TMEM108: variants seen among roughly 807,000 people sequenced by gnomAD.
TMEM108 encodes cancer/testis antigen 124.
TMEM108 carries 12 observed loss-of-function variants against 35.1 expected under a neutral mutation model. The ratio of observed to expected loss-of-function variants is 0.34; its 90% confidence interval spans 0.22 to 0.55. TMEM108 has a LOEUF of 0.55. Among genes scored for constraint, TMEM108 ranks in the 20% least tolerant of loss-of-function variants. The pLI, the probability that TMEM108 is intolerant of heterozygous loss-of-function variation, is 0.89. For missense variants in TMEM108, 680 were observed against 753.3 expected (o/e 0.90, Z 1.14); for synonymous variants, 287 against 308.6 (o/e 0.93, Z 0.73).
At chr3:133,218,120 G>C (rs1006624256) in intron 2 of TMEM108, among the ~76,000 whole-genome samples, 1 of 151,806 alleles carries the variant, frequency 6.6e-6, no homozygotes, top group Non-Finnish European at 1.5e-5. Flanking sequence ...TCTGTGTACA[G>C]GTCTTCCATC....
chr3:133,243,783 A>G (rs111701894), intron 3 of TMEM108, among the ~76,000 whole-genome samples: 1 of 554 alleles, frequency 1.8e-3, no homozygotes, highest in African/African-American at 1.9e-3. Flanking sequence ...TTGGCCTCCC[A>G]AAAGTGCTGG....
chr3:133,357,640 G>A (rs1474154278), intron 3 of TMEM108, among the ~76,000 whole-genome samples: 1 of 152,214 alleles, frequency 6.6e-6, no homozygotes, highest in Non-Finnish European at 1.5e-5. Flanking sequence ...CTTGGATGGA[G>A]CTGGAGTCCA....
At chr3:133,088,748 G>T (rs1189591698) in intron 2 of TMEM108, among the ~76,000 whole-genome samples, 1 of 152,172 alleles carries the variant, frequency 6.6e-6, no homozygotes, top group African/African-American at 2.4e-5. Flanking sequence ...TCCAAGAGCT[G>T]TGGCATTATG....
At chr3:133,183,123 A>G (rs1945371107) in intron 2 of TMEM108, among the ~76,000 whole-genome samples, 2 of 152,166 alleles carry the variant, frequency 1.3e-5, no homozygotes, top group Admixed American at 1.3e-4. Flanking sequence ...TTTGAGTGTC[A>G]CGTTGACATT....
At chr3:133,304,782 C>G (rs1366986197) in intron 3 of TMEM108, among the ~76,000 whole-genome samples, 1 of 152,072 alleles carries the variant, frequency 6.6e-6, no homozygotes, top group Non-Finnish European at 1.5e-5. Context: ...CAGTTTTTGT[C>G]TGTTAACAAT....
At chr3:133,241,120 CAG>C (rs1417320402) in intron 3 of TMEM108, among the ~76,000 whole-genome samples, 1 of 145,612 alleles carries the variant, frequency 6.9e-6, no homozygotes, top group Admixed American at 6.7e-5. Context: ...AAAATTCAAA[CAG>C]AATATTTTAA....
chr3:133,110,921 A>G (rs1373891787), intron 2 of TMEM108, among the ~76,000 whole-genome samples: 1 of 152,206 alleles, frequency 6.6e-6, no homozygotes, highest in Non-Finnish European at 1.5e-5. Flanking sequence ...TCCAGGGACC[A>G]CTTTTGACAG....
At chr3:133,283,470 C>A (rs1331577852) in intron 3 of TMEM108, among the ~76,000 whole-genome samples, 1 of 152,216 alleles carries the variant, frequency 6.6e-6, no homozygotes, top group Non-Finnish European at 1.5e-5. Flanking sequence ...CAGATTTTCT[C>A]ATATGCTGTG....
At chr3:133,236,746 G>C (rs572678699) in intron 3 of TMEM108, among the ~76,000 whole-genome samples, 1 of 152,086 alleles carries the variant, frequency 6.6e-6, no homozygotes, top group East Asian at 1.9e-4. Context: ...AAACTAGAAG[G>C]ATCCACATAA....
At chr3:133,159,566 TATG>T (rs1301845736) in intron 2 of TMEM108, among the ~76,000 whole-genome samples, 3 of 152,212 alleles carry the variant, frequency 2.0e-5, no homozygotes, top group Non-Finnish European at 2.9e-5. Flanking sequence ...AGAAGCCCAC[TATG>T]ATGATGATAA....
intron 3 of TMEM108, among the ~76,000 whole-genome samples, chr3:133,311,077 T>G (rs2107711588): frequency 6.6e-6 from 1 of 152,370 alleles, no homozygotes; most frequent in East Asian, 1.9e-4. Context: ...TTGTAGGGCT[T>G]CTGCTGAGAG....
At chr3:133,176,631 C>T (rs974970685) in intron 2 of TMEM108, among the ~76,000 whole-genome samples, 1 of 150,604 alleles carries the variant, frequency 6.6e-6, no homozygotes, top group Non-Finnish European at 1.5e-5. Context: ...AGAACAAAGA[C>T]ACAACATACC....
intron 3 of TMEM108, among the ~76,000 whole-genome samples, chr3:133,282,100 T>C (rs1946922174): frequency 6.6e-6 from 1 of 151,180 alleles, no homozygotes; most frequent in Non-Finnish European, 1.5e-5. Context: ...GAGCTTGCAG[T>C]GAGCCGAGAT....
At chr3:133,377,860 G>A (rs1437307167) in intron 3 of TMEM108, among the ~76,000 whole-genome samples, 3 of 152,156 alleles carry the variant, frequency 2.0e-5, no homozygotes, top group African/African-American at 7.2e-5. Flanking sequence ...TCAGGTCAGC[G>A]GCACCATTAG....
At chr3:133,209,710 G>T (rs998484410) in intron 2 of TMEM108, among the ~76,000 whole-genome samples, 1 of 152,106 alleles carries the variant, frequency 6.6e-6, no homozygotes, top group African/African-American at 2.4e-5. Flanking sequence ...CTCAGAATTT[G>T]CAGCATCAAC....
At chr3:133,246,912 T>C (rs894762246) in intron 3 of TMEM108, 1 of 152,218 alleles carries the variant, frequency 6.6e-6, no homozygotes, top group Non-Finnish European at 1.5e-5. Flanking sequence ...AGAACAAGGG[T>C]TGTTATATTC....
intron 1 of TMEM108, among the ~76,000 whole-genome samples, chr3:133,041,372 C>G (rs146415175): frequency 3.5e-4 from 54 of 152,194 alleles, no homozygotes; most frequent in East Asian, 2.9e-3. Context: ...ATGTCACCCC[C>G]CAGGGCTCCC....
chr3:133,192,897 A>T (rs1479877998), intron 2 of TMEM108: 1 of 149,404 alleles, frequency 6.7e-6, no homozygotes, highest in East Asian at 1.9e-4. Context: ...TTCCTGAAAA[A>T]GAAGTTTACA....
chr3:133,318,277 A>C (rs1409347276), intron 3 of TMEM108, among the ~76,000 whole-genome samples: 1 of 152,228 alleles, frequency 6.6e-6, no homozygotes, highest in Non-Finnish European at 1.5e-5. Flanking sequence ...AAGACACTAC[A>C]CTGGTACTTT....
Sources: allele counts gnomAD v4.1 joint callset (sites outside exome capture counted in the v4.1 genomes callset), GRCh38; gene constraint gnomAD v4.1.1; transcripts MANE v1.5; gene names NCBI Gene and HGNC (gene_info 2026-07-23, HGNC 2026-07-21).